The following OSBP2 variants were observed in gnomAD, a reference collection of about 807,000 sequenced individuals.
OSBP2 encodes oxysterol-binding protein 2.
OSBP2 carries 66 observed loss-of-function variants against 96.0 expected under a neutral mutation model. That is an observed-to-expected ratio of 0.69 (90% confidence interval 0.56 to 0.84). The LOEUF is 0.84. Ranked by LOEUF, OSBP2 falls within the 40% of genes least tolerant of loss-of-function variation. The pLI is 0.00. For missense variants in OSBP2, 1,038 were observed against 1,222.7 expected (o/e 0.85, Z 2.25); for synonymous variants, 525 against 520.9 (o/e 1.01, Z -0.11).
Position 30,893,423 on chromosome 22 carries a change from C to T in OSBP2, c.1991-40C>T, listed in dbSNP as rs749632217. On this transcript the variant is annotated intron_variant, in intron 9 of 13. Coordinates refer to ENST00000332585, the MANE Select transcript of OSBP2 (RefSeq NM_030758.4). ...TAAGGGCAGACTGGCCAGAGCCCTG[C>T]ATGGGGGGGCATGACCTCTGACCTG... is the stretch of plus-strand genomic sequence containing the variant. The T allele has an allele frequency of 3.8e-6, 6 of 1,571,576 alleles. No individual in the cohort carries two copies. The South Asian group carries it at 6.6e-5, about 17-fold the overall frequency.
At chr22:30,833,850 G>A (rs907357556) in intron 2 of OSBP2, among the ~76,000 whole-genome samples, 1 of 152,150 alleles carries the variant, frequency 6.6e-6, no homozygotes, top group African/African-American at 2.4e-5. Context: ...CAGTTGGAAA[G>A]TATGTTTTCT....
At chr22:30,715,555 T>A (rs983936648) in intron 1 of OSBP2, among the ~76,000 whole-genome samples, 2 of 26,622 alleles carry the variant, frequency 7.5e-5, no homozygotes, top group Non-Finnish European at 3.2e-4. Flanking sequence ...ATTTTTAGAT[T>A]TTTTTTTTTT....
chr22:30,733,782 G>C (rs189226474), intron 1 of OSBP2, among the ~76,000 whole-genome samples: 1 of 152,206 alleles, frequency 6.6e-6, no homozygotes, highest in Non-Finnish European at 1.5e-5. Context: ...ACAGAGGTGA[G>C]AGTGTGACTG....
At chr22:30,758,551 C>G (rs890196549) in intron 2 of OSBP2, among the ~76,000 whole-genome samples, 1 of 152,146 alleles carries the variant, frequency 6.6e-6, no homozygotes, top group African/African-American at 2.4e-5. Context: ...CCTCCAGTAT[C>G]TTCTAGAGTG....
chr22:30,720,064 C>T (rs1009280254), intron 1 of OSBP2, among the ~76,000 whole-genome samples: 5 of 152,156 alleles, frequency 3.3e-5, no homozygotes, highest in Non-Finnish European at 7.3e-5. Flanking sequence ...GATAGGTTTC[C>T]GTGCAACCTC....
chr22:30,702,941 G>A (rs1457985052), intron 1 of OSBP2, among the ~76,000 whole-genome samples: 1 of 152,168 alleles, frequency 6.6e-6, no homozygotes, highest in East Asian at 1.9e-4. Flanking sequence ...AGTTGCCTGT[G>A]AGTTTATGGG....
intron 2 of OSBP2, among the ~76,000 whole-genome samples, chr22:30,852,634 G>T (rs1280466637): frequency 6.6e-6 from 1 of 151,496 alleles, no homozygotes; most frequent in Admixed American, 6.6e-5. Flanking sequence ...TTTTTATTTT[G>T]TTTATTTCTG....
chr22:30,743,827 G>A (rs1028789262), intron 2 of OSBP2, among the ~76,000 whole-genome samples: 1 of 152,186 alleles, frequency 6.6e-6, no homozygotes, highest in African/African-American at 2.4e-5. Context: ...CAGTTGGCAG[G>A]GTGCGGAGGT....
chr22:30,723,658 C>A (rs2089592259), intron 1 of OSBP2, among the ~76,000 whole-genome samples: 1 of 151,794 alleles, frequency 6.6e-6, no homozygotes, highest in East Asian at 1.9e-4. Flanking sequence ...AAGTGATCCA[C>A]CCTCCTCAGC....
rs867977786 is a variant in OSBP2 at position 30,782,270 on chromosome 22, A to T, written c.853+40901A>T. 3.9e-5 allele frequency among the ~76,000 whole-genome samples: 6 copies of T among 152,316 alleles called. 1 individual carries two copies. The highest frequency in any genetic ancestry group is 6.8e-3 in the Middle Eastern group (2 of 294). ...AGATAATGTACACATTCATCATTCC[A>T]AATTCTCTTCATGCCCTTTTGTAAT... On this transcript the variant is annotated intron_variant, in intron 2 of 13. Transcript: ENST00000332585.
intron 2 of OSBP2, among the ~76,000 whole-genome samples, chr22:30,785,897 A>G (rs981735631): frequency 1.3e-5 from 2 of 152,116 alleles, no homozygotes; most frequent in African/African-American, 2.4e-5. Flanking sequence ...CACCATGATT[A>G]TAAGTTTCCT....
At chr22:30,884,805 T>C (rs952459946) in intron 3 of OSBP2, among the ~76,000 whole-genome samples, 1 of 152,182 alleles carries the variant, frequency 6.6e-6, no homozygotes, top group Admixed American at 6.5e-5. Flanking sequence ...CTCCCACTGC[T>C]GTCAGTCCCA....
At chr22:30,779,444 T>TCAACTA (rs2090484419) in intron 2 of OSBP2, among the ~76,000 whole-genome samples, 1 of 152,116 alleles carries the variant, frequency 6.6e-6, no homozygotes, top group East Asian at 1.9e-4. Context: ...ATACATAAAG[T>TCAACTA]GTAAGTCAAC....
In OSBP2 at chr22:30,890,658, G is replaced by T; in HGVS notation, c.1624-70G>T. 1 of 1,574,200 alleles carries T rather than the reference G, an allele frequency of 6.4e-7. No homozygotes were observed. Among genetic ancestry groups the T allele is most frequent in the Non-Finnish European group, 8.6e-7 (1 of 1,159,192 alleles). ...TGAGCAGGGATGTCCCTGAACATCCGAGAAAAGCAAGGGCACCATGCCAAG... is the reference window on the plus strand; with the variant it reads ...TGAGCAGGGATGTCCCTGAACATCCTAGAAAAGCAAGGGCACCATGCCAAG... On this transcript the variant is annotated intron_variant, in intron 7 of 13. Transcript: ENST00000332585. The surrounding 1 kb of genome is among the most constrained non-coding windows in gnomAD (Gnocchi z 4.4).
At chr22:30,788,213 T>TC (rs1320509022) in intron 2 of OSBP2, among the ~76,000 whole-genome samples, 1 of 152,138 alleles carries the variant, frequency 6.6e-6, no homozygotes, top group African/African-American at 2.4e-5. Flanking sequence ...GACAGTTTGA[T>TC]CAGCTGCAAA....
At chr22:30,860,614 A>T (rs776175218) in intron 2 of OSBP2, among the ~76,000 whole-genome samples, 25 of 152,336 alleles carry the variant, frequency 1.6e-4, no homozygotes, top group Non-Finnish European at 2.6e-4. Flanking sequence ...GCCCTGTGGA[A>T]GTCCTGGCCT....
intron 2 of OSBP2, among the ~76,000 whole-genome samples, chr22:30,867,630 G>A (rs1352949559): frequency 6.6e-6 from 1 of 152,186 alleles, no homozygotes; most frequent in African/African-American, 2.4e-5. Context: ...CCAACAACAC[G>A]GCCAGTGACT....
intron 2 of OSBP2, among the ~76,000 whole-genome samples, chr22:30,867,837 G>A (rs148959905): frequency 2.5e-3 from 386 of 152,358 alleles, no homozygotes; most frequent in African/African-American, 8.8e-3. Flanking sequence ...TACAGAGCAG[G>A]GGTCACATTT....
rs1240297265 is a variant in OSBP2, at chr22:30,888,345, G to C, written c.1418+5G>C. 1.3e-6 allele frequency: 2 copies of C among 1,581,228 alleles called. No homozygotes were observed. The highest frequency in any genetic ancestry group is 1.7e-6 in the Non-Finnish European group (2 of 1,150,192). ...CACCGAGGCCAAGGAAGACAGGTAA[G>C]GTGGCTGCAGCTGGGCAGAGCCTCC... On this transcript the variant is annotated splice_donor_5th_base_variant and intron_variant, in intron 5 of 13. Coordinates refer to ENST00000332585, the MANE Select transcript of OSBP2 (RefSeq NM_030758.4).
Sources: allele counts gnomAD v4.1 joint callset (sites outside exome capture counted in the v4.1 genomes callset), GRCh38; gene constraint gnomAD v4.1.1; non-coding constraint Gnocchi (gnomAD v3.1); transcripts MANE v1.5; gene names NCBI Gene and HGNC (gene_info 2026-07-23, HGNC 2026-07-21).